SNX29: variants seen among roughly 807,000 people sequenced by gnomAD.
SNX29 encodes the protein sorting nexin-29.
SNX29 carries 78 observed loss-of-function variants against 102.1 expected under a neutral mutation model. That is an observed-to-expected ratio of 0.76 (90% CI 0.64 to 0.92). SNX29 has a LOEUF of 0.92. SNX29 is among the 40% of genes least tolerant of loss of function. The pLI is 0.00. For missense variants in SNX29, 1,280 were observed against 1,061.7 expected (o/e 1.21, Z -2.86); for synonymous variants, 580 against 414.5 (o/e 1.40, Z -4.85).
chr16:12,485,324 G>T (rs2088174101), intron 19 of SNX29, among the ~76,000 whole-genome samples: 2 of 152,198 alleles, frequency 1.3e-5, no homozygotes. Flanking sequence ...ACTAAAGTCT[G>T]CATTATGGCT....
chr16:12,413,666 C>T (rs2084501389), intron 18 of SNX29, among the ~76,000 whole-genome samples: 1 of 152,122 alleles, frequency 6.6e-6, no homozygotes. Context: ...GCTTGTTCAT[C>T]CTCTCTCCTG....
At chr16:12,245,760 G>A (rs912205569) in intron 14 of SNX29, among the ~76,000 whole-genome samples, 1 of 152,064 alleles carries the variant, frequency 6.6e-6, no homozygotes, top group Non-Finnish European at 1.5e-5. Context: ...ACACACTTGT[G>A]TTGGCAGCTC....
chr16:12,113,062 C>T (rs1036618708), intron 11 of SNX29, among the ~76,000 whole-genome samples: 10 of 152,180 alleles, frequency 6.6e-5, no homozygotes, highest in African/African-American at 2.4e-4. Context: ...CTTGTTGCTC[C>T]GCATTTCTGG....
At chr16:12,523,547 A>T (rs925950789) in intron 19 of SNX29, among the ~76,000 whole-genome samples, 5 of 152,148 alleles carry the variant, frequency 3.3e-5, no homozygotes, top group African/African-American at 1.2e-4. Context: ...TTGGCTATGG[A>T]ATGTGTGGGG....
chr16:12,100,172 C>T (rs2052952667), intron 11 of SNX29, among the ~76,000 whole-genome samples: 1 of 152,120 alleles, frequency 6.6e-6, no homozygotes, highest in African/African-American at 2.4e-5. Context: ...ATTCATTCAC[C>T]AAATGTTTAC....
chr16:12,278,280 A>G (rs1003483852), intron 15 of SNX29, among the ~76,000 whole-genome samples: 2 of 152,062 alleles, frequency 1.3e-5, no homozygotes, highest in African/African-American at 4.8e-5. Flanking sequence ...AAGAGAAAAC[A>G]TATATGTGTA....
At chr16:12,015,697 G>A (rs1236787654) in intron 3 of SNX29, among the ~76,000 whole-genome samples, 1 of 147,964 alleles carries the variant, frequency 6.8e-6, no homozygotes, top group East Asian at 2.0e-4. Flanking sequence ...CACCGTGCCC[G>A]GCTAACTTTT....
Position 12,201,704 on chromosome 16 carries a change from T to A in SNX29, c.1678+2021T>A, listed in dbSNP as rs186202696. Among the ~76,000 whole-genome samples the A allele has an allele frequency of 1.9e-3, 288 of 152,326 alleles. 3 individuals are homozygous for A. The highest frequency in any genetic ancestry group is 2.0e-3 in the Non-Finnish European group (137 of 68,038). The stretch of plus-strand genomic sequence containing the variant: ...GCTGTAGATTTGCACGTCTAGATAA[T>A]GTGACTCTAATGCAGGTGACCTGTG... On this transcript the variant is annotated intron_variant, in intron 14 of 20. Transcript: ENST00000566228.
intron 13 of SNX29, among the ~76,000 whole-genome samples, chr16:12,176,790 C>A (rs1320385616): frequency 3.3e-5 from 5 of 152,138 alleles, no homozygotes; most frequent in Non-Finnish European, 7.3e-5. Context: ...TTGGCTACAT[C>A]TGAGTGTTGC....
chr16:12,285,272 G>A (rs957663293), intron 15 of SNX29, among the ~76,000 whole-genome samples: 12 of 152,062 alleles, frequency 7.9e-5, no homozygotes, highest in South Asian at 2.1e-4. Flanking sequence ...TGCCGGCACC[G>A]TTTTCTAGCT....
intron 15 of SNX29, among the ~76,000 whole-genome samples, chr16:12,350,122 G>A (rs551086882): frequency 1.3e-4 from 20 of 152,172 alleles, no homozygotes; most frequent in African/African-American, 4.3e-4. Flanking sequence ...GTCACTTGCC[G>A]TGTGTGTGTG....
At chr16:12,423,024 C>G (rs77672140) in intron 18 of SNX29, among the ~76,000 whole-genome samples, 3,014 of 152,254 alleles carry the variant, frequency 0.02, 65 homozygotes, top group Non-Finnish European at 0.032. Context: ...AAGCCCAGCT[C>G]AGGAAGAAAC....
intron 20 of SNX29, among the ~76,000 whole-genome samples, chr16:12,548,328 C>T (rs1157015579): frequency 2.6e-5 from 4 of 152,202 alleles, no homozygotes; most frequent in Non-Finnish European, 4.4e-5. Context: ...TGGCTTGGTG[C>T]CTCCATGGGG....
At chr16:12,321,256 CCT>C (rs2151175163) in intron 15 of SNX29, among the ~76,000 whole-genome samples, 1 of 152,314 alleles carries the variant, frequency 6.6e-6, no homozygotes, top group East Asian at 1.9e-4. Flanking sequence ...ACCAAAGCCA[CCT>C]TGTCTTCTCC....
intron 10 of SNX29, among the ~76,000 whole-genome samples, chr16:12,074,819 G>A (rs1458886135): frequency 2.0e-5 from 3 of 152,082 alleles, no homozygotes; most frequent in Non-Finnish European, 4.4e-5. Context: ...ATGCAGATTT[G>A]GTCTTTTCAT....
intron 15 of SNX29, among the ~76,000 whole-genome samples, chr16:12,348,139 G>T (rs1298472799): frequency 6.6e-6 from 1 of 152,156 alleles, no homozygotes; most frequent in African/African-American, 2.4e-5. Context: ...CTTTACACAA[G>T]GTCATCCAGC....
chr16:12,556,092 TTTCA>T (rs2078328522), intron 20 of SNX29, among the ~76,000 whole-genome samples: 1 of 152,240 alleles, frequency 6.6e-6, no homozygotes, highest in Non-Finnish European at 1.5e-5. Flanking sequence ...TAATTTCTGC[TTTCA>T]TTGAGAAGTA....
intron 10 of SNX29, among the ~76,000 whole-genome samples, chr16:12,070,035 G>C (rs903870559): frequency 2.0e-5 from 3 of 152,182 alleles, no homozygotes; most frequent in African/African-American, 7.2e-5. Context: ...TCCTAGTGTT[G>C]TATATTTAAG....
intron 18 of SNX29, among the ~76,000 whole-genome samples, chr16:12,469,219 T>C (rs1466934144): frequency 6.6e-6 from 1 of 152,234 alleles, no homozygotes; most frequent in Non-Finnish European, 1.5e-5. Flanking sequence ...AACTGAAAAG[T>C]CGTTTTTCTT....
Sources: allele counts gnomAD v4.1 joint callset (sites outside exome capture counted in the v4.1 genomes callset), GRCh38; gene constraint gnomAD v4.1.1; transcripts MANE v1.5; gene names NCBI Gene and HGNC (gene_info 2026-07-23, HGNC 2026-07-21).